TLN1: variants seen among roughly 807,000 people sequenced by gnomAD.
TLN1 encodes talin-1.
A neutral mutation model predicts 292.3 loss-of-function variants in TLN1; 56 were observed. The ratio of observed to expected loss-of-function variants is 0.19; its 90% CI spans 0.15 to 0.24. The LOEUF is 0.24. Ranked by LOEUF, TLN1 falls within the 10% of genes least tolerant of loss-of-function variation. The pLI, the probability that TLN1 is intolerant of heterozygous loss-of-function variation, is 1.00. For missense variants in TLN1, 2,433 were observed against 3,248.2 expected, an observed-to-expected ratio of 0.75 and a Z score of 6.10; for synonymous variants, 1,119 against 1,253.7, an observed-to-expected ratio of 0.89 and a Z score of 2.27.
In TLN1 at chr9:35,722,650, T is replaced by C. The variant is rs539164475; in HGVS notation, c.843+211A>G. 3.0e-3 allele frequency among the ~76,000 whole-genome samples: 462 copies of C among 152,296 alleles called. 3 individuals carry two copies. The highest frequency in any genetic ancestry group is 5.2e-3 in the Non-Finnish European group (354 of 68,020). ...AGGTAAATAAAAGATTACAAGAATATTGAACTGAATTGCACAGCAAAAGCA... is the reference window on the plus strand; with the variant it reads ...AGGTAAATAAAAGATTACAAGAATACTGAACTGAATTGCACAGCAAAAGCA... On this transcript the variant is annotated intron_variant, in intron 8 of 56. Transcript: ENST00000314888.
chr9:35,707,835 G>T lies in TLN1; in HGVS notation c.4528C>A (p.Arg1510Ser). The T allele has an allele frequency of 6.2e-7, 1 of 1,614,190 alleles. No homozygotes were observed. Among genetic ancestry groups the T allele is most frequent in the Non-Finnish European group, 8.5e-7 (1 of 1,180,038 alleles). Residue 1510 changes from arginine (R) to serine (S), a missense_variant, in exon 35 of 57, where the codon CGC (arginine) becomes AGC (serine). By Grantham distance (110) the Arg-to-Ser change is moderately radical. This residue lies in a region of TLN1 where 1,384 missense variants were observed against 1,699.6 expected (regional missense o/e 0.81). Transcript: ENST00000314888. This position sits in a 1 kb window ranked among gnomAD's most constrained non-coding sequence, Gnocchi z 5.6. ...TTGGTGGTACGGGCAGAAGCCAGGC[G>T]ACAGCTGTTACACAGTGCAGAGGTG... The part of the protein sequence containing the change: ...KHTSALCNSC[R>S]LASARTTNPT...
At chr9:35,730,936 G>C (rs1474140652) in intron 1 of TLN1, among the ~76,000 whole-genome samples, 1 of 152,100 alleles carries the variant, frequency 6.6e-6, no homozygotes, top group Non-Finnish European at 1.5e-5. Context: ...CCCAACTTGT[G>C]ACTAGGCCTT....
chr9:35,708,307 A>G, intron 34 of TLN1, 34 bp downstream of exon 34: 1 of 1,560,722 alleles, frequency 6.4e-7, no homozygotes, highest in African/African-American at 1.4e-5. Flanking sequence ...GCCCTTTCCC[A>G]GACTCGCCTG....
Position 35,703,977 on chromosome 9 carries a change from C to G in TLN1, c.6231+14G>C, listed in dbSNP as rs1825514691. 1 of 1,612,364 alleles carries G rather than the reference C, an allele frequency of 6.2e-7. No homozygotes were observed. The highest frequency in any genetic ancestry group is 8.5e-7 in the Non-Finnish European group (1 of 1,178,676). On this transcript the variant is annotated intron_variant, in intron 46 of 56. Transcript: ENST00000314888. The stretch of plus-strand genomic sequence containing the variant: ...AAGTGATTCCAGCCGGAATTAGGGG[C>G]ATCAGGTCACTACCTGGGTCTCAGG...
chr9:35,713,992 T>C lies in TLN1; in HGVS notation c.3210A>G (p.Ala1070=), dbSNP rs779432046. 3.1e-6 allele frequency: 5 copies of C among 1,614,122 alleles called. No individual in the cohort carries two copies. The African/African-American group carries it at 5.3e-5, about 17-fold the overall frequency. Residue 1070 remains alanine, a synonymous_variant, in exon 25 of 57, where the codon GCA becomes GCG. Coordinates refer to ENST00000314888, the MANE Select transcript of TLN1 (RefSeq NM_006289.4). ...AGGGTTTAAGCTTGCCATCTCGAGC[T>C]GCTGCCTTCACTTCCTGTAGATCTT... is the stretch of plus-strand genomic sequence containing the variant. The part of the protein sequence containing the change: ...LEKDLQEVKA[A]ARDGKLKPLP...
rs1466649405 is a variant in TLN1 at position 35,715,121 on chromosome 9, G to A, written c.2692C>T (p.Arg898Cys). The A allele has an allele frequency of 8.7e-6, 14 of 1,613,008 alleles. No homozygotes were observed. The highest frequency in any genetic ancestry group is 1.7e-5 in the Admixed American group (1 of 60,004). ...TGCGCAGCTGCATTGGTGGCCATGC[G>A]CAGCCCCTCAGCTGCCTCCCGCAGC... is the stretch of plus-strand genomic sequence containing the variant. The part of the protein sequence containing the change: ...QRLREAAEGL[R>C]MATNAAAQNA... Residue 898 changes from arginine to cysteine, a missense_variant, in exon 21 of 57, where the codon CGC (arginine) becomes TGC (cysteine). Physicochemically the swap from Arg to Cys is radical, Grantham distance 180. Coordinates refer to ENST00000314888, the MANE Select transcript of TLN1 (RefSeq NM_006289.4).
At chr9:35,722,811 G>A in intron 8 of TLN1, 50 bp downstream of exon 8, 1 of 1,587,386 alleles carries the variant, frequency 6.3e-7, no homozygotes, top group Admixed American at 1.7e-5. Context: ...GTAAGATTAA[G>A]CAGCAAAGCT....
rs200428164 is a variant in TLN1, at chr9:35,700,261, C to A, written c.6590G>T (p.Arg2197Leu). 1 of 1,613,472 alleles carries A rather than the reference C, an allele frequency of 6.2e-7. No homozygotes were observed. Reference protein sequence around the residue: ...AKAVAAGNSCRQEDVIATANL... With the variant: ...AKAVAAGNSCLQEDVIATANL... Reference sequence around the variant, plus strand: ...GGCTGTGGCAATGACATCTTCCTGGCGACAGGAATTGCCAGCAGCAACGGC... The same window carrying A: ...GGCTGTGGCAATGACATCTTCCTGGAGACAGGAATTGCCAGCAGCAACGGC... The change falls in exon 49 of 57, where the codon CGC becomes CTC. Residue 2197 changes from arginine to leucine, a missense_variant. Coordinates refer to ENST00000314888, the MANE Select transcript of TLN1 (RefSeq NM_006289.4).
rs775863970 is a variant in TLN1, at chr9:35,714,722, C to G, written c.2872-35G>C. 1.2e-6 allele frequency: 2 copies of G among 1,611,864 alleles called. No homozygotes were observed. Among genetic ancestry groups the G allele is most frequent in the South Asian group, 1.1e-5 (1 of 90,850 alleles). Reference sequence around the variant, plus strand: ...AAAATGTCATAAGAGACCCACAAGTCTCCCTCTTCCACTCCCACATCCTTC... The same window carrying G: ...AAAATGTCATAAGAGACCCACAAGTGTCCCTCTTCCACTCCCACATCCTTC... On this transcript the variant is annotated intron_variant, in intron 22 of 56. Transcript: ENST00000314888. This position sits in a 1 kb window ranked among gnomAD's most constrained non-coding sequence, Gnocchi z 4.6.
chr9:35,704,638 T>C lies in TLN1; in HGVS notation c.5880+31A>G, dbSNP rs1231285631. ...CAAAGGCTACAGAGTTTGGAGGCAG[T>C]CCCACCATCTGCAGGGATGAGCACC... is the stretch of plus-strand genomic sequence containing the variant. On this transcript the variant is annotated intron_variant, in intron 44 of 56. Coordinates refer to ENST00000314888, the MANE Select transcript of TLN1 (RefSeq NM_006289.4). This position sits in a 1 kb window ranked among gnomAD's most constrained non-coding sequence, Gnocchi z 6.9. The C allele has an allele frequency of 3.1e-6, 5 of 1,611,744 alleles. No individual in the cohort carries two copies. The highest frequency in any genetic ancestry group is 4.2e-6 in the Non-Finnish European group (5 of 1,178,806).
At chr9:35,709,243 C>G (rs1303836327) in intron 33 of TLN1, among the ~76,000 whole-genome samples, 1 of 152,014 alleles carries the variant, frequency 6.6e-6, no homozygotes, top group Non-Finnish European at 1.5e-5. Context: ...TGCAGTGAGC[C>G]GAGATTATGC....
chr9:35,708,589 G>T (rs980688841), intron 33 of TLN1, 105 bp from the exon 34 acceptor site: 11 of 1,188,782 alleles, frequency 9.3e-6, no homozygotes, highest in Non-Finnish European at 1.2e-5. Context: ...AGAGAATAGG[G>T]CTTATTTTCC....
chr9:35,726,622 T>G (rs1825982974), intron 1 of TLN1, among the ~76,000 whole-genome samples: 1 of 152,192 alleles, frequency 6.6e-6, no homozygotes. Flanking sequence ...CAAATACTGG[T>G]TGCTCAAGCC....
In TLN1 at chr9:35,706,165, G is replaced by C; in HGVS notation, c.5361+31C>G. The C allele has an allele frequency of 6.2e-7, 1 of 1,611,532 alleles. No individual in the cohort carries two copies. Among genetic ancestry groups the C allele is most frequent in the Non-Finnish European group, 8.5e-7 (1 of 1,178,450 alleles). On this transcript the variant is annotated intron_variant, in intron 40 of 56. Coordinates refer to ENST00000314888, the MANE Select transcript of TLN1 (RefSeq NM_006289.4). The surrounding 1 kb of genome is among the most constrained non-coding windows in gnomAD (Gnocchi z 4.2). Reference sequence around the variant, plus strand: ...TTCCTGTTTCTCCAGCCTCCTGCTAGTAACAGCTCCTCCCTCCCAACCCTC... The same window carrying C: ...TTCCTGTTTCTCCAGCCTCCTGCTACTAACAGCTCCTCCCTCCCAACCCTC...
chr9:35,714,256 G>A lies in TLN1; in HGVS notation c.3103C>T (p.Arg1035Trp), dbSNP rs1302365624. Residue 1035 changes from arginine to tryptophan, a missense_variant, in exon 24 of 57, where the codon CGG (arginine) becomes TGG (tryptophan). Arg to Trp is a moderately radical substitution (Grantham distance 101). Around this residue, in one of 7 missense-constraint regions of TLN1, gnomAD observed 1,384 missense variants for 1,699.6 expected, o/e 0.81. Transcript: ENST00000314888. The surrounding 1 kb of genome is among the most constrained non-coding windows in gnomAD (Gnocchi z 4.6). ...TTCCATACCTTCTGGGCAGCCGTCC[G>A]GAGTTCAGCCAGCGCGGTGCCCAGG... ...KNLGTALAEL[R>W]TAAQKAQEAC... 6.2e-7 allele frequency: 1 copy of A among 1,611,844 alleles called. No individual in the cohort carries two copies. The highest frequency in any genetic ancestry group is 8.5e-7 in the Non-Finnish European group (1 of 1,178,300).
intron 21 of TLN1, 46 bp downstream of exon 21, chr9:35,715,013 C>G: frequency 6.2e-7 from 1 of 1,612,256 alleles, no homozygotes; most frequent in South Asian, 1.1e-5. Context: ...ATTCCTCCCA[C>G]AGCACCCACA....
Position 35,699,420 on chromosome 9 carries a change from T to C in TLN1, c.6810A>G (p.Thr2270=), listed in dbSNP as rs759561962. The part of the protein sequence containing the change: ...KPSPELKQQL[T]GHSKRVAGSV... ...AACCAGCCACACGCTTTGAATGTCC[T>C]GTCAACTGCTGCTTCAGTTCTGGGC... Residue 2270 remains threonine (T), a synonymous_variant, in exon 51 of 57, where the codon ACA becomes ACG. Coordinates refer to ENST00000314888, the MANE Select transcript of TLN1 (RefSeq NM_006289.4). This position sits in a 1 kb window ranked among gnomAD's most constrained non-coding sequence, Gnocchi z 4.0. 2.7e-5 allele frequency: 44 copies of C among 1,613,918 alleles called. No homozygotes were observed. The highest frequency in any genetic ancestry group is 3.6e-5 in the Non-Finnish European group (42 of 1,179,934).
rs996259635 is a variant in TLN1 at position 35,705,626 on chromosome 9, A to T, written c.5658T>A (p.Ala1886=). The T allele has an allele frequency of 1.2e-6, 2 of 1,608,622 alleles. No individual in the cohort carries two copies. Among genetic ancestry groups the T allele is most frequent in the Non-Finnish European group, 1.7e-6 (2 of 1,175,458 alleles). The part of the protein sequence containing the change: ...NTSPEELGPL[A]NQLTSDYGRL... ...GGCCATAGTCACTGGTCAGCTGGTT[A>T]GCAAGAGGGCCCAGCTCCTCTGGGC... Residue 1886 remains alanine (A), a synonymous_variant, in exon 43 of 57, where the codon GCT becomes GCA. Transcript: ENST00000314888.
At position 35,703,641 on chromosome 9, in the gene TLN1, T is replaced by A. The variant is rs1176856510; in HGVS notation, c.6393A>T (p.Thr2131=). 1 of 1,614,100 alleles carries A rather than the reference T, an allele frequency of 6.2e-7. No individual in the cohort carries two copies. The change falls in exon 48 of 57, where the codon ACA becomes ACT. Residue 2131 remains threonine (T), a synonymous_variant. Transcript: ENST00000314888. ...MVTNVTSLLK[T]VKAVEDEATK... ...TGGCCTCATCTTCCACGGCTTTTAC[T>A]GTCTTAAGCAATGATGTCACATTGG... is the stretch of plus-strand genomic sequence containing the variant.
Sources: allele counts gnomAD v4.1 joint callset (sites outside exome capture counted in the v4.1 genomes callset), GRCh38; gene constraint gnomAD v4.1.1; regional missense constraint gnomAD v4.1.1; non-coding constraint Gnocchi (gnomAD v3.1); transcripts MANE v1.5; gene names NCBI Gene and HGNC (gene_info 2026-07-23, HGNC 2026-07-21).